Variants in NMNAT3 observed in about 807,000 individuals in gnomAD.
NMNAT3 encodes the protein nicotinamide/nicotinic acid mononucleotide adenylyltransferase 3.
In NMNAT3, 21 loss-of-function variants were observed where a neutral mutation model predicts 24.8. That is an observed-to-expected ratio of 0.85 (90% confidence interval 0.60 to 1.22). NMNAT3 has a LOEUF of 1.22. NMNAT3 is among the 50% of genes most tolerant of loss of function. The probability of loss-of-function intolerance (pLI) is 0.00; values close to 1 mark genes in which losing one functional copy is unlikely to be tolerated. For missense variants in NMNAT3, 387 were observed against 436.6 expected, an observed-to-expected ratio of 0.89 and a Z score of 1.01; for synonymous variants, 136 against 155.2, an observed-to-expected ratio of 0.88 and a Z score of 0.92.
At chr3:139,616,693 A>T (rs1040745917) in intron 3 of NMNAT3, among the ~76,000 whole-genome samples, 1 of 152,090 alleles carries the variant, frequency 6.6e-6, no homozygotes, top group African/African-American at 2.4e-5. Flanking sequence ...ACTTCTGTTT[A>T]TTGCCATTGT....
chr3:139,566,838 C>T (rs1937313904), intron 6 of NMNAT3: 1 of 152,122 alleles, frequency 6.6e-6, no homozygotes, highest in Non-Finnish European at 1.5e-5. Flanking sequence ...ATTGACTTGG[C>T]AATGCGGGCT....
At chr3:139,624,068 T>C (rs891379972) in intron 3 of NMNAT3, among the ~76,000 whole-genome samples, 48 of 152,242 alleles carry the variant, frequency 3.2e-4, no homozygotes, top group African/African-American at 1.1e-3. Context: ...TAAAATGTCA[T>C]AGTGTGGCAA....
At chr3:139,622,339 T>G (rs1435530694) in intron 3 of NMNAT3, among the ~76,000 whole-genome samples, 1 of 152,068 alleles carries the variant, frequency 6.6e-6, no homozygotes, top group Admixed American at 6.6e-5. Context: ...ATTAGTAATG[T>G]TTAGCAGTTT....
rs1189458137 is a variant in NMNAT3 at position 139,583,379 on chromosome 3, C to T, written c.110-171G>A. On this transcript the variant is annotated intron_variant, in intron 3 of 6. Transcript: ENST00000643695. ...AGGTACATTTTCAACTGGAATGTAA[C>T]ATGTAGAGCAGTAGAACATTCTGGA... is the stretch of plus-strand genomic sequence containing the variant. The T allele has an allele frequency of 2.6e-6, 4 of 1,558,350 alleles. No individual in the cohort carries two copies. In the African/African-American group the frequency reaches 4.1e-5, roughly 16 times the overall value.
At chr3:139,575,997 G>A (rs1269290234) in intron 5 of NMNAT3, 4 of 1,288,128 alleles carry the variant, frequency 3.1e-6, no homozygotes, top group Non-Finnish European at 4.0e-6. Flanking sequence ...TTCTTTATCT[G>A]TAAAATGAGG....
intron 1 of NMNAT3, among the ~76,000 whole-genome samples, chr3:139,647,328 A>G (rs2056904017): frequency 6.6e-6 from 1 of 152,182 alleles, no homozygotes; most frequent in African/African-American, 2.4e-5. Flanking sequence ...TGCCTCCCTT[A>G]TGAATAAAAA....
chr3:139,653,761 A>G (rs2057137597), intron 1 of NMNAT3, among the ~76,000 whole-genome samples: 1 of 152,222 alleles, frequency 6.6e-6, no homozygotes, highest in Non-Finnish European at 1.5e-5. Context: ...AGCAAACCGT[A>G]GCTGCCTAGA....
intron 3 of NMNAT3, among the ~76,000 whole-genome samples, chr3:139,614,002 G>A (rs1191659526): frequency 2.6e-5 from 4 of 151,954 alleles, no homozygotes; most frequent in East Asian, 1.9e-4. Flanking sequence ...TGGGGGAAGG[G>A]GGGAGGGATA....
At chr3:139,561,522 T>C in intron 6 of NMNAT3, 130 bp from the exon 7 acceptor site, 5 of 845,466 alleles carry the variant, frequency 5.9e-6, no homozygotes, top group Non-Finnish European at 7.2e-6. Flanking sequence ...TGTTCATGAC[T>C]TGAAAAGAAA....
intron 2 of NMNAT3, among the ~76,000 whole-genome samples, chr3:139,633,548 GAA>G (rs2056385446): frequency 6.6e-6 from 1 of 152,194 alleles, no homozygotes; most frequent in African/African-American, 2.4e-5. Context: ...GCAGCCATAG[GAA>G]GTTAAAACAC....
chr3:139,675,637 C>G (rs1400238424), intron 1 of NMNAT3, among the ~76,000 whole-genome samples: 1 of 152,142 alleles, frequency 6.6e-6, no homozygotes, highest in African/African-American at 2.4e-5. Context: ...GACTAATCAC[C>G]CTGCACAATT....
chr3:139,596,119 C>G (rs1020500948), intron 3 of NMNAT3, among the ~76,000 whole-genome samples: 4 of 152,180 alleles, frequency 2.6e-5, no homozygotes, highest in Non-Finnish European at 4.4e-5. Context: ...TTCGTATGAC[C>G]TATGGTTTTT....
chr3:139,582,888 G>T, intron 4 of NMNAT3: 1 of 1,270,540 alleles, frequency 7.9e-7, no homozygotes, highest in Non-Finnish European at 1.0e-6. Context: ...ATAAGTTGGA[G>T]GGAGGAGCAG....
chr3:139,571,207 A>G (rs1184698937), intron 6 of NMNAT3: 2 of 152,370 alleles, frequency 1.3e-5, no homozygotes, highest in South Asian at 2.1e-4. Context: ...AAAGCGCAGT[A>G]TTAGGGTGGG....
At chr3:139,562,840 A>T (rs764218793) in intron 6 of NMNAT3, among the ~76,000 whole-genome samples, 1 of 152,220 alleles carries the variant, frequency 6.6e-6, no homozygotes, top group African/African-American at 2.4e-5. Flanking sequence ...AATCACAGAA[A>T]CACACTTTTC....
intron 1 of NMNAT3, among the ~76,000 whole-genome samples, chr3:139,667,109 C>T (rs2057607499): frequency 6.6e-6 from 1 of 152,164 alleles, no homozygotes; most frequent in South Asian, 2.1e-4. Flanking sequence ...CTTTTGGGTA[C>T]ATACCCAGCA....
chr3:139,581,780 G>T (rs2053628835), intron 4 of NMNAT3, among the ~76,000 whole-genome samples: 1 of 152,130 alleles, frequency 6.6e-6, no homozygotes, highest in Non-Finnish European at 1.5e-5. Context: ...GGTTGGATAT[G>T]TTCATTTTCT....
intron 3 of NMNAT3, among the ~76,000 whole-genome samples, chr3:139,612,061 G>C (rs1483876583): frequency 6.6e-6 from 1 of 152,046 alleles, no homozygotes; most frequent in African/African-American, 2.4e-5. Flanking sequence ...CATCTACTTG[G>C]GAGGCTGAGG....
chr3:139,675,135 T>TACACACACACAC (rs148834873), intron 1 of NMNAT3, among the ~76,000 whole-genome samples: 10,414 of 148,252 alleles, frequency 0.07, 611 homozygotes, highest in Admixed American at 0.21. Context: ...CTTTTAAACA[T>TACACACACACAC]ACACACACAC....
Sources: allele counts gnomAD v4.1 joint callset (sites outside exome capture counted in the v4.1 genomes callset), GRCh38; gene constraint gnomAD v4.1.1; transcripts MANE v1.5; gene names NCBI Gene and HGNC (gene_info 2026-07-23, HGNC 2026-07-21).